URI1: variants seen among roughly 807,000 people sequenced by gnomAD.
The protein encoded by URI1 is URI1 prefoldin like chaperone.
In URI1, 39 loss-of-function variants were observed where a neutral mutation model predicts 60.2. The ratio of observed to expected loss-of-function variants is 0.65; its 90% confidence interval spans 0.50 to 0.85. The LOEUF is 0.85. URI1 is among the 40% of genes least tolerant of loss of function. The pLI is 0.00. For synonymous variants in URI1, 251 were observed against 236.8 expected, an observed-to-expected ratio of 1.06 and a Z score of -0.55; for missense variants, 691 against 665.9, an observed-to-expected ratio of 1.04 and a Z score of -0.42.
intron 1 of URI1, among the ~76,000 whole-genome samples, chr19:29,964,939 C>T (rs1459234786): frequency 6.6e-6 from 1 of 151,108 alleles, no homozygotes; most frequent in East Asian, 1.9e-4. Flanking sequence ...ACATTCTCCT[C>T]CTAACCTGTG....
chr19:29,946,022 G>GAT (rs555377850), intron 1 of URI1, among the ~76,000 whole-genome samples: 33 of 152,060 alleles, frequency 2.2e-4, no homozygotes, highest in Non-Finnish European at 4.4e-4. Context: ...CTTCAGAGCT[G>GAT]ATATATATAA....
chr19:29,967,987 A>G (rs920598651), intron 1 of URI1, among the ~76,000 whole-genome samples: 2 of 152,320 alleles, frequency 1.3e-5, no homozygotes, highest in South Asian at 4.1e-4. Flanking sequence ...TTTGTGTTGC[A>G]AAGAATGGAT....
chr19:29,932,117 T>A (rs138751951), intron 1 of URI1, among the ~76,000 whole-genome samples: 12 of 152,240 alleles, frequency 7.9e-5, no homozygotes, highest in African/African-American at 2.9e-4. Flanking sequence ...AAAGTGGGCA[T>A]CCTTGTCTTG....
intron 4 of URI1, among the ~76,000 whole-genome samples, chr19:29,997,327 G>T (rs1350748277): frequency 6.6e-6 from 1 of 152,080 alleles, no homozygotes; most frequent in African/African-American, 2.4e-5. Context: ...TATCAAACTT[G>T]TTGGCAGTCA....
At chr19:29,945,082 G>A (rs540471710) in intron 1 of URI1, among the ~76,000 whole-genome samples, 8 of 152,082 alleles carry the variant, frequency 5.3e-5, no homozygotes, top group African/African-American at 1.9e-4. Flanking sequence ...ATGCTTTTAA[G>A]CTCTTGGCCT....
intron 4 of URI1, among the ~76,000 whole-genome samples, chr19:30,000,884 CTTG>C (rs1471234467): frequency 4.6e-5 from 7 of 151,652 alleles, no homozygotes; most frequent in African/African-American, 1.7e-4. Context: ...TTTGTTTGTC[CTTG>C]TTGTAATTTT....
intron 1 of URI1, among the ~76,000 whole-genome samples, chr19:29,969,852 C>G (rs1358122589): frequency 6.6e-6 from 1 of 152,124 alleles, no homozygotes; most frequent in African/African-American, 2.4e-5. Context: ...GTAGTTTTAG[C>G]TTGGCTCTTC....
At chr19:29,981,845 AAATT>A (rs2055601789) in intron 2 of URI1, among the ~76,000 whole-genome samples, 1 of 152,184 alleles carries the variant, frequency 6.6e-6, no homozygotes, top group Non-Finnish European at 1.5e-5. Context: ...CTGTGTCCAA[AAATT>A]AATTACGTTT....
intron 1 of URI1, among the ~76,000 whole-genome samples, chr19:29,935,742 C>T (rs560730527): frequency 3.2e-4 from 46 of 142,766 alleles, no homozygotes; most frequent in Admixed American, 1.4e-3. Context: ...TGTTATTCCA[C>T]TGCCTCTGGG....
At chr19:30,012,170 T>C (rs2056029023) in intron 9 of URI1, 115 bp from the exon 10 acceptor site, 1 of 1,233,776 alleles carries the variant, frequency 8.1e-7, no homozygotes, top group Middle Eastern at 2.6e-4. Context: ...GATATAAGAT[T>C]GTAATAAAAA....
chr19:29,950,691 C>T (rs2055168992), intron 1 of URI1, among the ~76,000 whole-genome samples: 2 of 152,158 alleles, frequency 1.3e-5, no homozygotes, highest in Non-Finnish European at 2.9e-5. Flanking sequence ...TTTTTTTACA[C>T]TCAAGAAATT....
rs942167206 is a variant in URI1, at chr19:29,942,576, C to A, written c.29C>A (p.Pro10His). The change falls in exon 1 of 11, where the codon CCC (proline) becomes CAC (histidine). Residue 10 changes from proline (P) to histidine (H), a missense_variant. By Grantham distance (77) the Pro-to-His change is moderately conservative. Coordinates refer to ENST00000392271, the MANE Select transcript of URI1 (RefSeq NM_003796.3). MEAPTVETP[P>H]DPSPPSAPAP... ...GAGGCGCCCACCGTGGAGACGCCCCCCGACCCCTCGCCCCCTTCGGCCCCG... is the reference window on the plus strand; with the variant it reads ...GAGGCGCCCACCGTGGAGACGCCCCACGACCCCTCGCCCCCTTCGGCCCCG... The A allele has an allele frequency of 7.0e-7, 1 of 1,426,428 alleles. No individual in the cohort carries two copies. The highest frequency in any genetic ancestry group is 9.2e-7 in the Non-Finnish European group (1 of 1,092,386). 88.4% of individuals were successfully genotyped at this position (1,426,428 alleles called of 1,614,324 possible).
rs1425682263 is a variant in URI1, at chr19:30,015,115, C to G, written c.*46C>G. On this transcript the variant is annotated 3_prime_UTR_variant, in exon 11 of 11. Transcript: ENST00000392271. ...ATTTACATCCTAAAACCTAGTTGTTCATTTGTTTAGAGTATCTATAGCAAA... is the reference window on the plus strand; with the variant it reads ...ATTTACATCCTAAAACCTAGTTGTTGATTTGTTTAGAGTATCTATAGCAAA... The G allele has an allele frequency of 1.9e-6, 3 of 1,587,404 alleles. No individual in the cohort carries two copies. Among genetic ancestry groups the G allele is most frequent in the Non-Finnish European group, 2.6e-6 (3 of 1,168,904 alleles).
intron 4 of URI1, among the ~76,000 whole-genome samples, chr19:29,994,487 T>C (rs1405306324): frequency 6.6e-6 from 1 of 152,168 alleles, no homozygotes; most frequent in South Asian, 2.1e-4. Flanking sequence ...AATTTGGCTA[T>C]TCTAGATACC....
chr19:29,924,066 CAGGTCCAGAAG>C (rs1381915039), intron 1 of URI1, among the ~76,000 whole-genome samples: 1 of 152,150 alleles, frequency 6.6e-6, no homozygotes, highest in Non-Finnish European at 1.5e-5. Context: ...GTGGATGTCC[CAGGTCCAGAAG>C]AGAGTGAATT....
chr19:29,942,269 CT>C lies in URI1; in HGVS notation c.-278del. ...GGGAGGCGCGGCCGCCACGCGACGC[CT>C]GGCTGGGCCCGCACCGGAGAGGCGT... On this transcript the variant is annotated 5_prime_UTR_variant, in exon 1 of 11. Transcript: ENST00000392271. The C allele has an allele frequency of 1.0e-6, 1 of 984,730 alleles. No homozygotes were observed. Among genetic ancestry groups the C allele is most frequent in the East Asian group, 1.1e-4 (1 of 8,774 alleles). 61.0% of individuals were successfully genotyped at this position (984,730 alleles called of 1,614,324 possible).
intron 1 of URI1, among the ~76,000 whole-genome samples, chr19:29,970,587 C>T (rs934222352): frequency 6.6e-6 from 1 of 151,988 alleles, no homozygotes; most frequent in Non-Finnish European, 1.5e-5. Flanking sequence ...TTTAAACTGG[C>T]TGTGAAGTGC....
intron 4 of URI1, among the ~76,000 whole-genome samples, chr19:29,993,091 G>A (rs1437519511): frequency 6.6e-6 from 1 of 151,884 alleles, no homozygotes; most frequent in Non-Finnish European, 1.5e-5. Flanking sequence ...TTTTACTTTT[G>A]TCTTAAAAAT....
At chr19:29,943,347 G>C (rs1487553739) in intron 1 of URI1, among the ~76,000 whole-genome samples, 1 of 152,114 alleles carries the variant, frequency 6.6e-6, no homozygotes, top group Non-Finnish European at 1.5e-5. Context: ...TTCCTAGTGG[G>C]ACTTTATATA....
Sources: gnomAD v4.1 joint callset for allele counts (sites outside exome capture counted in the v4.1 genomes callset) on GRCh38, gnomAD v4.1.1 for gene constraint, MANE v1.5 for transcripts, NCBI Gene and HGNC (gene_info 2026-07-23, HGNC 2026-07-21) for gene names.